The following UBR1 variants were observed in gnomAD, a reference collection of about 807,000 sequenced individuals.
UBR1 encodes ubiquitin protein ligase E3 component n-recognin 1.
In UBR1, 102 loss-of-function variants were observed where a neutral mutation model predicts 242.1. The ratio of observed to expected loss-of-function variants is 0.42; its 90% CI spans 0.36 to 0.50. The LOEUF is 0.50. Ranked by LOEUF, UBR1 falls within the 20% of genes least tolerant of loss-of-function variation. UBR1 has a pLI of 0.01. For missense variants in UBR1, 1,772 were observed against 2,101.8 expected (o/e 0.84, Z 3.07); for synonymous variants, 675 against 684.8 (o/e 0.99, Z 0.22).
chr15:42,982,660 T>C (rs2032394558), intron 37 of UBR1, among the ~76,000 whole-genome samples: 2 of 152,150 alleles, frequency 1.3e-5, no homozygotes, highest in South Asian at 2.1e-4. Context: ...CCTAAGAAGC[T>C]TGTGGGGATT....
chr15:42,996,537 C>T (rs2032641738), intron 33 of UBR1, among the ~76,000 whole-genome samples: 1 of 152,114 alleles, frequency 6.6e-6, no homozygotes, highest in East Asian at 1.9e-4. Flanking sequence ...GTTGAAGCTG[C>T]AGTGAGCTGT....
intron 12 of UBR1, among the ~76,000 whole-genome samples, chr15:43,053,983 C>A (rs2033586540): frequency 1.3e-5 from 2 of 152,094 alleles, no homozygotes; most frequent in Non-Finnish European, 1.5e-5. Flanking sequence ...TATTTTCAGT[C>A]TGCGGTTGGT....
chr15:43,036,845 T>C (rs2033343450), intron 17 of UBR1, among the ~76,000 whole-genome samples: 1 of 152,158 alleles, frequency 6.6e-6, no homozygotes, highest in African/African-American at 2.4e-5. Context: ...CAAGAGAATT[T>C]ATTTTCCCTA....
At chr15:43,018,371 A>G (rs1454934641) in intron 27 of UBR1, among the ~76,000 whole-genome samples, 1 of 152,122 alleles carries the variant, frequency 6.6e-6, no homozygotes, top group East Asian at 1.9e-4. Context: ...TCATGGTTTC[A>G]GCATGAATGC....
At chr15:43,021,448 C>G (rs2033109943) in intron 26 of UBR1, 73 bp from the exon 27 acceptor site, 3 of 1,421,306 alleles carry the variant, frequency 2.1e-6, no homozygotes, top group Non-Finnish European at 3.0e-6. Context: ...GAATTGGTTT[C>G]AGGACCCCTG....
At chr15:43,086,936 G>A (rs933754617) in intron 1 of UBR1, among the ~76,000 whole-genome samples, 1 of 152,172 alleles carries the variant, frequency 6.6e-6, no homozygotes, top group Non-Finnish European at 1.5e-5. Flanking sequence ...GAGCCCAGGA[G>A]TTCAAGGCTG....
At position 43,035,506 on chromosome 15, in the gene UBR1, C is replaced by T. The variant is rs1166814362; in HGVS notation, c.2190+672G>A. Among the ~76,000 whole-genome samples, 4 of 150,844 alleles carry T rather than the reference C, an allele frequency of 2.7e-5. No homozygotes were observed. In the East Asian group the frequency reaches 7.8e-4, roughly 29 times the overall value. Reference sequence around the variant, plus strand: ...TTTTTCTTGTAAATTTGTTTGAGTTCATTGTAGATTCTGGATATTAGCCCT... The same window carrying T: ...TTTTTCTTGTAAATTTGTTTGAGTTTATTGTAGATTCTGGATATTAGCCCT... On this transcript the variant is annotated intron_variant, in intron 19 of 46. Coordinates refer to ENST00000290650, the MANE Select transcript of UBR1 (RefSeq NM_174916.3).
chr15:43,088,579 T>G (rs1384398863), intron 1 of UBR1, among the ~76,000 whole-genome samples: 3 of 151,870 alleles, frequency 2.0e-5, no homozygotes, highest in Non-Finnish European at 4.4e-5. Flanking sequence ...TACTGTAACC[T>G]CTACTTCCTG....
Position 43,028,750 on chromosome 15 carries a change from A to C in UBR1, c.2380-922T>G, listed in dbSNP as rs144665251. Among the ~76,000 whole-genome samples the C allele has an allele frequency of 5.0e-3, 742 of 149,684 alleles. 12 individuals carry two copies. The East Asian group carries it at 0.062, about 13-fold the overall frequency. Reference sequence around the variant, plus strand: ...ACAGACCAAGACTCCATCAAACAAAAAAAAAAAAACAAACAAACAACAACA... The same window carrying C: ...ACAGACCAAGACTCCATCAAACAAACAAAAAAAAACAAACAAACAACAACA... On this transcript the variant is annotated intron_variant, in intron 21 of 46. Transcript: ENST00000290650.
At chr15:42,979,761 T>C (rs2032347519) in intron 37 of UBR1, among the ~76,000 whole-genome samples, 2 of 152,126 alleles carry the variant, frequency 1.3e-5, no homozygotes, top group African/African-American at 4.8e-5. Context: ...TTTTGCCACG[T>C]TGGCCAGGCT....
At chr15:43,005,045 T>C (rs370901373) in intron 30 of UBR1, among the ~76,000 whole-genome samples, 95 of 149,524 alleles carry the variant, frequency 6.4e-4, no homozygotes, top group African/African-American at 2.3e-3. Flanking sequence ...GTCTGGGAAC[T>C]GAGGAGCGTC....
rs367815167 is a variant in UBR1, at chr15:42,971,178, T to C, written c.4370-571A>G. Among the ~76,000 whole-genome samples, 5 of 152,318 alleles carry C rather than the reference T, an allele frequency of 3.3e-5. No individual in the cohort carries two copies. In the South Asian group the frequency reaches 8.3e-4, roughly 25 times the overall value. On this transcript the variant is annotated intron_variant, in intron 39 of 46. Transcript: ENST00000290650. ...TACTTACTTCATCATAATATGACCA[T>C]GGAAATAAATTGTTATCAACCTGCT... is the stretch of plus-strand genomic sequence containing the variant.
chr15:42,990,010 T>C lies in UBR1; in HGVS notation c.3848+20A>G. On this transcript the variant is annotated intron_variant, in intron 34 of 46. Coordinates refer to ENST00000290650, the MANE Select transcript of UBR1 (RefSeq NM_174916.3). Reference sequence around the variant, plus strand: ...TTTCACAATCATTTACAAAGTTCTCTTAACTATTTAGATACTTACGAAGAC... The same window carrying C: ...TTTCACAATCATTTACAAAGTTCTCCTAACTATTTAGATACTTACGAAGAC... 6.4e-7 allele frequency: 1 copy of C among 1,566,098 alleles called. No individual in the cohort carries two copies. Among genetic ancestry groups the C allele is most frequent in the African/African-American group, 1.4e-5 (1 of 74,052 alleles).
rs1269010935 is a variant in UBR1 at position 43,047,306 on chromosome 15, G to A, written c.1540-17C>T. The A allele has an allele frequency of 2.5e-6, 4 of 1,613,888 alleles. No individual in the cohort carries two copies. The highest frequency in any genetic ancestry group is 3.4e-6 in the Non-Finnish European group (4 of 1,179,960). ...TTCCATTCCCTGCAATTACAAGTTG[G>A]TCAACATACACCTATCTGAGCCCTC... On this transcript the variant is annotated splice_polypyrimidine_tract_variant and intron_variant, in intron 13 of 46. Transcript: ENST00000290650.
chr15:42,990,177 C>T, intron 33 of UBR1, 57 bp from the exon 34 acceptor site: 2 of 1,208,020 alleles, frequency 1.7e-6, no homozygotes, highest in Non-Finnish European at 2.4e-6. Flanking sequence ...GTCTGACATA[C>T]AGTTTTCTAG....
At chr15:42,999,590 G>A (rs573621750) in intron 32 of UBR1, among the ~76,000 whole-genome samples, 1 of 152,214 alleles carries the variant, frequency 6.6e-6, no homozygotes, top group Admixed American at 6.5e-5. Flanking sequence ...TACTTTGAGA[G>A]GCTGAGGTGA....
chr15:42,969,383 T>C (rs1288207623), intron 40 of UBR1, among the ~76,000 whole-genome samples: 1 of 152,208 alleles, frequency 6.6e-6, no homozygotes, highest in African/African-American at 2.4e-5. Flanking sequence ...TTCTTGTAAA[T>C]TTGTTTAAGT....
chr15:43,095,718 G>T (rs1012669131), intron 1 of UBR1, among the ~76,000 whole-genome samples: 1 of 152,182 alleles, frequency 6.6e-6, no homozygotes, highest in Non-Finnish European at 1.5e-5. Context: ...TCTGAGGCAA[G>T]GGGTTAAAAG....
At chr15:43,084,187 G>C (rs760644397) in intron 2 of UBR1, among the ~76,000 whole-genome samples, 9 of 151,890 alleles carry the variant, frequency 5.9e-5, no homozygotes, top group Admixed American at 4.6e-4. Context: ...CTGACATTTT[G>C]GGCCAGATAT....
Sources: allele counts gnomAD v4.1 joint callset (sites outside exome capture counted in the v4.1 genomes callset), GRCh38; gene constraint gnomAD v4.1.1; transcripts MANE v1.5; gene names NCBI Gene and HGNC (gene_info 2026-07-23, HGNC 2026-07-21).